The following GATAD2A variants were observed in gnomAD, a reference collection of about 807,000 sequenced individuals.
GATAD2A encodes transcriptional repressor p66-alpha.
GATAD2A carries 12 observed loss-of-function variants against 68.5 expected under a neutral mutation model. That is an observed-to-expected ratio of 0.18 (90% CI 0.11 to 0.28). The LOEUF (loss-of-function observed/expected upper bound fraction) is 0.28. GATAD2A is among the 10% of genes least tolerant of loss of function. GATAD2A has a pLI of 1.00. For synonymous variants in GATAD2A, 410 were observed against 375.3 expected, an observed-to-expected ratio of 1.09 and a Z score of -1.07; for missense variants, 755 against 868.5, an observed-to-expected ratio of 0.87 and a Z score of 1.64.
chr19:19,457,829 G>C (rs1158849179), intron 1 of GATAD2A, among the ~76,000 whole-genome samples: 1 of 152,068 alleles, frequency 6.6e-6, no homozygotes, highest in African/African-American at 2.4e-5. Flanking sequence ...ATGGTAGCCT[G>C]AGTTCAGACC....
chr19:19,471,483 A>G (rs1325709920), intron 2 of GATAD2A, among the ~76,000 whole-genome samples: 1 of 142,524 alleles, frequency 7.0e-6, no homozygotes. Context: ...TATTTGAGAG[A>G]TGGAAAGTGA....
chr19:19,483,923 C>T (rs781135086), intron 2 of GATAD2A, among the ~76,000 whole-genome samples: 12 of 152,126 alleles, frequency 7.9e-5, no homozygotes, highest in African/African-American at 2.2e-4. Context: ...CCACCACACC[C>T]GGCCTAGTTC....
chr19:19,436,447 GA>G (rs2054357377), intron 1 of GATAD2A, among the ~76,000 whole-genome samples: 1 of 152,218 alleles, frequency 6.6e-6, no homozygotes, highest in Non-Finnish European at 1.5e-5. Flanking sequence ...TCATTCATTT[GA>G]AAACCCTAGG....
intron 1 of GATAD2A, among the ~76,000 whole-genome samples, chr19:19,464,482 G>A (rs929305703): frequency 6.6e-6 from 1 of 152,138 alleles, no homozygotes; most frequent in Non-Finnish European, 1.5e-5. Context: ...GACAGACATC[G>A]CTGTGCTGTC....
At chr19:19,430,163 T>C (rs1181918296) in intron 1 of GATAD2A, among the ~76,000 whole-genome samples, 1 of 152,112 alleles carries the variant, frequency 6.6e-6, no homozygotes. Flanking sequence ...TTCCCAGAAA[T>C]ACATTATTTA....
intron 2 of GATAD2A, among the ~76,000 whole-genome samples, chr19:19,478,721 A>G (rs1211649218): frequency 6.6e-6 from 1 of 151,908 alleles, no homozygotes; most frequent in African/African-American, 2.4e-5. Flanking sequence ...AAGGTAGGAG[A>G]ATCACCTGGG....
At chr19:19,463,760 G>T (rs1427446773) in intron 1 of GATAD2A, among the ~76,000 whole-genome samples, 2 of 152,200 alleles carry the variant, frequency 1.3e-5, no homozygotes, top group Non-Finnish European at 2.9e-5. Context: ...AAGCACCAGG[G>T]ATTTCCTGGC....
chr19:19,475,388 G>A (rs1286939279), intron 2 of GATAD2A, among the ~76,000 whole-genome samples: 1 of 152,180 alleles, frequency 6.6e-6, no homozygotes, highest in Non-Finnish European at 1.5e-5. Context: ...ACAGCAAGAA[G>A]CCATTTTCCC....
intron 1 of GATAD2A, among the ~76,000 whole-genome samples, chr19:19,411,371 G>A (rs534821904): frequency 3.3e-5 from 5 of 152,282 alleles, no homozygotes; most frequent in Admixed American, 1.3e-4. Flanking sequence ...GCCAGCATCC[G>A]GACTTCCATC....
At chr19:19,504,817 A>T (rs2060778760) in intron 11 of GATAD2A, among the ~76,000 whole-genome samples, 1 of 150,590 alleles carries the variant, frequency 6.6e-6, no homozygotes, top group South Asian at 2.1e-4. Flanking sequence ...TCCAGCTGAT[A>T]TTTTTTTTAG....
intron 1 of GATAD2A, among the ~76,000 whole-genome samples, chr19:19,461,353 T>C (rs2057414255): frequency 6.6e-6 from 1 of 152,212 alleles, no homozygotes. Flanking sequence ...AATTTCTCTT[T>C]TAATTATCAA....
chr19:19,414,530 C>CT (rs758728889), intron 1 of GATAD2A, among the ~76,000 whole-genome samples: 3,365 of 70,310 alleles, frequency 0.048, 306 homozygotes, highest in Non-Finnish European at 0.067. Flanking sequence ...AGGGCCTTGT[C>CT]TTTTTTTTTT....
At chr19:19,408,138 T>A (rs1392551476) in intron 1 of GATAD2A, among the ~76,000 whole-genome samples, 1 of 152,166 alleles carries the variant, frequency 6.6e-6, no homozygotes, top group Non-Finnish European at 1.5e-5. Flanking sequence ...TAGTTGGGAC[T>A]ACCATGCCCG....
chr19:19,431,209 T>C (rs2053708257), intron 1 of GATAD2A, among the ~76,000 whole-genome samples: 1 of 151,420 alleles, frequency 6.6e-6, no homozygotes, highest in African/African-American at 2.4e-5. Flanking sequence ...GTCCAAATGA[T>C]AGATTAGTGG....
At chr19:19,486,293 G>A (rs1374620996) in intron 2 of GATAD2A, among the ~76,000 whole-genome samples, 9 of 152,338 alleles carry the variant, frequency 5.9e-5, no homozygotes, top group Middle Eastern at 3.4e-3. Flanking sequence ...AGGCACGGGC[G>A]GCCTGTTTGC....
At chr19:19,458,128 C>T (rs2057104637) in intron 1 of GATAD2A, among the ~76,000 whole-genome samples, 1 of 152,194 alleles carries the variant, frequency 6.6e-6, no homozygotes, top group Non-Finnish European at 1.5e-5. Context: ...CTTTTCAGGC[C>T]ACCAAGGGTT....
At chr19:19,422,295 C>T (rs889154710) in intron 1 of GATAD2A, among the ~76,000 whole-genome samples, 2 of 152,194 alleles carry the variant, frequency 1.3e-5, no homozygotes, top group African/African-American at 2.4e-5. Flanking sequence ...AGGAGGCAGG[C>T]GGTTTGGCCT....
At chr19:19,457,071 C>A (rs2056999901) in intron 1 of GATAD2A, 1 of 984,478 alleles carries the variant, frequency 1.0e-6, no homozygotes, top group South Asian at 4.7e-5. Context: ...AGTGTCCGAT[C>A]CAGTCCTTCA....
chr19:19,470,554 C>T (rs1461683818), intron 2 of GATAD2A, among the ~76,000 whole-genome samples: 1 of 152,126 alleles, frequency 6.6e-6, no homozygotes, highest in African/African-American at 2.4e-5. Flanking sequence ...ATTTCAATAT[C>T]CCACTCTCAA....
Sources: gnomAD v4.1 joint callset for allele counts (sites outside exome capture counted in the v4.1 genomes callset) on GRCh38, gnomAD v4.1.1 for gene constraint, MANE v1.5 for transcripts, NCBI Gene and HGNC (gene_info 2026-07-23, HGNC 2026-07-21) for gene names.